The following C6orf89 variants were observed in gnomAD, a reference collection of about 807,000 sequenced individuals.
C6orf89 encodes chromosome 6 open reading frame 89, also known as bombesin receptor-activated protein C6orf89.
In C6orf89, 29 loss-of-function variants were observed where a neutral mutation model predicts 40.7. That is an observed-to-expected ratio of 0.71 (90% CI 0.53 to 0.97). The LOEUF is 0.97. C6orf89 is among the 50% of genes least tolerant of loss of function. The pLI, the probability that C6orf89 is intolerant of heterozygous loss-of-function variation, is 0.00. For synonymous variants in C6orf89, 165 were observed against 152.2 expected (o/e 1.08, Z -0.62); for missense variants, 392 against 429.1 (o/e 0.91, Z 0.76).
Position 36,916,573 on chromosome 6 carries a change from A to G in C6orf89, c.824A>G (p.Lys275Arg). ...CACCCAGAACCTGTTGTGGGGAGTA[A>G]GGTAGGAAATTTTGAGAGGACTTGG... ...FLHPEPVVGS[K>R]MHKMPDLFII... Residue 275 changes from lysine (K) to arginine (R), a missense_variant and splice_region_variant, in exon 7 of 9, where the codon AAG becomes AGG. By Grantham distance (26) the Lys-to-Arg change is conservative (BLOSUM62 2). Transcript: ENST00000480824. The G allele has an allele frequency of 6.2e-7, 1 of 1,613,986 alleles. No homozygotes were observed. Among genetic ancestry groups the G allele is most frequent in the South Asian group, 1.1e-5 (1 of 91,054 alleles).
Position 36,902,534 on chromosome 6 carries a change from C to T in C6orf89, c.403+100C>T, listed in dbSNP as rs1002932388. On this transcript the variant is annotated intron_variant, in intron 4 of 8. Coordinates refer to ENST00000480824, the MANE Select transcript of C6orf89 (RefSeq NM_001286635.2). ...TTGATACCTAATGAGAGGCAAGCTC[C>T]CTATATTGTATCTTTTAATTCAGTC... 2.7e-5 allele frequency: 27 copies of T among 1,012,704 alleles called. No homozygotes were observed. The African/African-American group carries it at 3.4e-4, about 13-fold the overall frequency. The allele number at this position is 1,012,704 out of a possible 1,614,324, so 62.7% of individuals were successfully genotyped here. A position where few individuals can be genotyped will look rare whatever the true frequency, so the allele number is the denominator to read the frequency against.
At chr6:36,879,570 TTCTC>T (rs1774748002) in intron 2 of C6orf89, among the ~76,000 whole-genome samples, 1 of 152,194 alleles carries the variant, frequency 6.6e-6, no homozygotes, top group Non-Finnish European at 1.5e-5. Context: ...TATTTATCTC[TTCTC>T]TAAGGTTTTG....
intron 4 of C6orf89, among the ~76,000 whole-genome samples, chr6:36,910,968 C>A (rs1183101500): frequency 2.6e-5 from 4 of 152,010 alleles, no homozygotes; most frequent in Non-Finnish European, 4.4e-5. Context: ...ATTCTGTCAC[C>A]TTATTAAATT....
chr6:36,885,962 C>G lies in C6orf89; in HGVS notation c.-186C>G, dbSNP rs1005036310. 34 of 1,267,944 alleles carry G rather than the reference C, an allele frequency of 2.7e-5. No individual in the cohort carries two copies. The Middle Eastern group carries it at 6.7e-4, about 25-fold the overall frequency. The allele number at this position is 1,267,944 out of a possible 1,614,324, so 78.5% of individuals were successfully genotyped here. A position where few individuals can be genotyped will look rare whatever the true frequency, so the allele number is the denominator to read the frequency against. On this transcript the variant is annotated 5_prime_UTR_variant, in exon 1 of 9. Coordinates refer to ENST00000480824, the MANE Select transcript of C6orf89 (RefSeq NM_001286635.2). ...CGCGCTCCCGGAAACAGGAAGTTGC[C>G]CATCCTCCTCGCCCGGCGGCAGCTG...
chr6:36,915,529 C>T (rs1031993514), intron 6 of C6orf89, among the ~76,000 whole-genome samples: 3 of 151,944 alleles, frequency 2.0e-5, no homozygotes, highest in Admixed American at 6.6e-5. Context: ...ATCACTTGGG[C>T]CCGGGAGTTG....
chr6:36,922,520 G>T (rs1481996062), intron 8 of C6orf89, among the ~76,000 whole-genome samples: 1 of 152,152 alleles, frequency 6.6e-6, no homozygotes. Flanking sequence ...GACCCCACAG[G>T]TGGGACCAGA....
chr6:36,898,930 T>C (rs1377616941), intron 2 of C6orf89, among the ~76,000 whole-genome samples: 2 of 152,228 alleles, frequency 1.3e-5, no homozygotes, highest in Non-Finnish European at 2.9e-5. Flanking sequence ...ACAAAGCTTA[T>C]CAGCCTGTTG....
At chr6:36,874,629 C>T in intron 1 of C6orf89, 19 of 1,546,564 alleles carry the variant, frequency 1.2e-5, no homozygotes, top group Non-Finnish European at 1.7e-5. Context: ...GGCCGGCCTC[C>T]CGGAGGAACG....
chr6:36,881,041 C>T (rs2150669713), upstream of C6orf89, among the ~76,000 whole-genome samples: 1 of 152,292 alleles, frequency 6.6e-6, no homozygotes, highest in South Asian at 2.1e-4. Flanking sequence ...CTAGGTAAGG[C>T]CTGGGACACC....
rs1203116685 is a variant in C6orf89 at position 36,923,539 on chromosome 6, GGTTACTTA to G, written c.*104_*111del. 11 of 952,866 alleles carry G rather than the reference GGTTACTTA, an allele frequency of 1.2e-5. No homozygotes were observed. Among genetic ancestry groups the G allele is most frequent in the Non-Finnish European group, 1.8e-5 (11 of 601,058 alleles). 59.0% of individuals were successfully genotyped at this position (952,866 alleles called of 1,614,324 possible). A position where few individuals can be genotyped will look rare whatever the true frequency, so the allele number is the denominator to read the frequency against. ...ACGATGAAACTGCTTTCTGGGGGTT[GGTTACTTA>G]GTTACCTGCCCTTTGCATGCATGTG... On this transcript the variant is annotated 3_prime_UTR_variant, in exon 9 of 9. Transcript: ENST00000480824.
chr6:36,902,268 T>C lies in C6orf89; in HGVS notation c.237T>C (p.Ile79=). The change falls in exon 4 of 9, where the codon ATT becomes ATC. Residue 79 remains isoleucine, a synonymous_variant. Coordinates refer to ENST00000480824, the MANE Select transcript of C6orf89 (RefSeq NM_001286635.2). The part of the protein sequence containing the change: ...GLILLTAYFV[I]QPFSPLAPEP... ...TCTTGCTCACTGCCTACTTTGTGAT[T>C]CAACCTTTCAGCCCATTAGCACCTG... 6.2e-7 allele frequency: 1 copy of C among 1,614,202 alleles called. No individual in the cohort carries two copies. Among genetic ancestry groups the C allele is most frequent in the Non-Finnish European group, 8.5e-7 (1 of 1,180,036 alleles).
At chr6:36,884,436 C>T (rs1191560383), upstream of C6orf89, among the ~76,000 whole-genome samples, 4 of 152,102 alleles carry the variant, frequency 2.6e-5, no homozygotes, top group Non-Finnish European at 4.4e-5. This position sits in a 1 kb window ranked among gnomAD's most constrained non-coding sequence, Gnocchi z 4.0. Context: ...ATTATCCGCC[C>T]GATAATGATA....
chr6:36,907,891 G>T (rs1259534209), intron 4 of C6orf89, among the ~76,000 whole-genome samples: 5 of 152,316 alleles, frequency 3.3e-5, no homozygotes, highest in Non-Finnish European at 7.3e-5. Context: ...GCTGTGTGCT[G>T]TTGGCTGTTT....
chr6:36,896,344 G>A (rs1198299999), intron 2 of C6orf89, among the ~76,000 whole-genome samples: 1 of 152,174 alleles, frequency 6.6e-6, no homozygotes. Flanking sequence ...CTGACCTCAA[G>A]TGATCTGCCA....
intron 2 of C6orf89, among the ~76,000 whole-genome samples, chr6:36,898,632 C>T (rs11759850): frequency 0.25 from 37,818 of 151,838 alleles, 4,998 homozygotes; most frequent in East Asian, 0.32. Context: ...TCTACTTTGC[C>T]CCATTAGTTT....
chr6:36,896,362 C>T (rs1761431168), intron 2 of C6orf89, among the ~76,000 whole-genome samples: 1 of 152,190 alleles, frequency 6.6e-6, no homozygotes, highest in Admixed American at 6.5e-5. Flanking sequence ...CCACCTTGGC[C>T]TTCCAAAGCG....
chr6:36,897,158 A>C (rs1312920917), intron 2 of C6orf89, among the ~76,000 whole-genome samples: 1 of 151,620 alleles, frequency 6.6e-6, no homozygotes, highest in Admixed American at 6.6e-5. Context: ...AAAAGAAAAG[A>C]AAGAAAGGTC....
chr6:36,901,421 A>G (rs1329443013), intron 3 of C6orf89, among the ~76,000 whole-genome samples: 3 of 133,098 alleles, frequency 2.3e-5, no homozygotes, highest in African/African-American at 8.4e-5. Flanking sequence ...TGCAAGCTCC[A>G]TCTCCCAGGT....
At chr6:36,911,929 A>ACCC (rs1425370476) in intron 4 of C6orf89, among the ~76,000 whole-genome samples, 3 of 67,866 alleles carry the variant, frequency 4.4e-5, no homozygotes, top group African/African-American at 1.0e-4. Flanking sequence ...CATCACAGTG[A>ACCC]ACCCCCCCCC....
Sources: gnomAD v4.1 joint callset for allele counts (sites outside exome capture counted in the v4.1 genomes callset) on GRCh38, gnomAD v4.1.1 for gene constraint, Gnocchi (gnomAD v3.1) non-coding constraint, MANE v1.5 for transcripts, NCBI Gene and HGNC (gene_info 2026-07-23, HGNC 2026-07-21) for gene names.